The following TNKS1BP1 variants were observed in gnomAD, a reference collection of about 807,000 sequenced individuals.
TNKS1BP1 encodes the protein CCR4-NOT transcription complex subunit 12.
A neutral mutation model predicts 141.1 loss-of-function variants in TNKS1BP1; 48 were observed. The observed-to-expected ratio is 0.34, with a 90% CI of 0.27 to 0.43. TNKS1BP1 has a LOEUF of 0.43. Ranked by LOEUF, TNKS1BP1 falls within the 20% of genes least tolerant of loss-of-function variation. TNKS1BP1 has a pLI of 1.00. For synonymous variants in TNKS1BP1, 875 were observed against 898.2 expected (o/e 0.97, Z 0.46); for missense variants, 2,149 against 2,226.0 (o/e 0.97, Z 0.70).
chr11:57,314,013 G>T, intron 4 of TNKS1BP1, 124 bp from the exon 5 acceptor site: 1 of 1,127,256 alleles, frequency 8.9e-7, no homozygotes, highest in Non-Finnish European at 1.2e-6. Flanking sequence ...ACTGGAACCC[G>T]AGGGGGTCCT....
chr11:57,307,110 T>C (rs2134351908), intron 6 of TNKS1BP1, among the ~76,000 whole-genome samples: 1 of 152,184 alleles, frequency 6.6e-6, no homozygotes, highest in South Asian at 2.1e-4. Flanking sequence ...GACGTGTGGT[T>C]AAGCATGGGG....
At chr11:57,307,372 G>A (rs1185490094) in intron 6 of TNKS1BP1, among the ~76,000 whole-genome samples, 2 of 152,036 alleles carry the variant, frequency 1.3e-5, no homozygotes, top group Non-Finnish European at 2.9e-5. Context: ...TCACCACCCC[G>A]TCAACAGCCT....
intron 2 of TNKS1BP1, among the ~76,000 whole-genome samples, chr11:57,321,292 A>T (rs1431951685): frequency 6.6e-6 from 1 of 152,200 alleles, no homozygotes; most frequent in Non-Finnish European, 1.5e-5. Flanking sequence ...GACCCAAGTC[A>T]AACAAAAGTA....
chr11:57,302,364 C>A lies in TNKS1BP1; in HGVS notation c.4683+95G>T. The A allele has an allele frequency of 1.3e-6, 2 of 1,542,132 alleles. No individual in the cohort carries two copies. Among genetic ancestry groups the A allele is most frequent in the Non-Finnish European group, 1.8e-6 (2 of 1,142,466 alleles). On this transcript the variant is annotated intron_variant, in intron 7 of 11. Coordinates refer to ENST00000358252, the MANE Select transcript of TNKS1BP1 (RefSeq NM_033396.3). The surrounding 1 kb of genome is among the most constrained non-coding windows in gnomAD (Gnocchi z 5.5). ...GACGCACCTACAACCCGCTTTCTGC[C>A]TCCTGGACTGGGACTGCTCAGGGAA... is the stretch of plus-strand genomic sequence containing the variant.
At chr11:57,316,094 G>C (rs899197367) in intron 4 of TNKS1BP1, among the ~76,000 whole-genome samples, 18 of 152,194 alleles carry the variant, frequency 1.2e-4, no homozygotes, top group African/African-American at 4.3e-4. Context: ...CTCCAAACAG[G>C]CTTTCTCCTT....
intron 6 of TNKS1BP1, among the ~76,000 whole-genome samples, chr11:57,306,742 T>C (rs1237610527): frequency 6.6e-6 from 1 of 152,104 alleles, no homozygotes; most frequent in Non-Finnish European, 1.5e-5. Context: ...CCTGGGTGTT[T>C]TAAAGACACA....
Position 57,320,113 on chromosome 11 carries a change from A to G in TNKS1BP1, c.694T>C (p.Cys232Arg), listed in dbSNP as rs1855860190. Residue 232 changes from cysteine to arginine, a missense_variant, in exon 3 of 12, where the codon TGC becomes CGC. By Grantham distance (180) the Cys-to-Arg change is radical. Transcript: ENST00000358252. ...GGGGTCTTGCTGTGCTCTTCCCGGC[A>G]CTCTGCTGGAGACTTTACTGGCCCC... is the stretch of plus-strand genomic sequence containing the variant. ...QEGPVKSPAECREEHSKTPEE... is the reference protein window; with the variant it reads ...QEGPVKSPAERREEHSKTPEE... The G allele has an allele frequency of 1.3e-6, 2 of 1,522,100 alleles. No homozygotes were observed. Among genetic ancestry groups the G allele is most frequent in the African/African-American group, 1.4e-5 (1 of 70,550 alleles). The allele number at this position is 1,522,100 out of a possible 1,614,324, so 94.3% of individuals were successfully genotyped here. A position where few individuals can be genotyped will look rare whatever the true frequency, so the allele number is the denominator to read the frequency against.
chr11:57,320,232 T>C lies in TNKS1BP1; in HGVS notation c.575A>G (p.Asp192Gly). ...LWGSRLTFNH[D>G]GSSRYGPRTY... ...CCTGGGGCCATATCGCGAGCTGCCA[T>C]CGTGGTTAAAGGTGAGGCGGGAACC... Residue 192 changes from aspartate to glycine, a missense_variant, in exon 3 of 12, where the codon GAT (aspartate) becomes GGT (glycine). Asp to Gly is a moderately conservative substitution (Grantham distance 94, BLOSUM62 -1). Coordinates refer to ENST00000358252, the MANE Select transcript of TNKS1BP1 (RefSeq NM_033396.3). 2 of 1,614,100 alleles carry C rather than the reference T, an allele frequency of 1.2e-6. No individual in the cohort carries two copies. Among genetic ancestry groups the C allele is most frequent in the Non-Finnish European group, 8.5e-7 (1 of 1,180,026 alleles).
chr11:57,315,508 A>C (rs1855785361), intron 4 of TNKS1BP1, among the ~76,000 whole-genome samples: 1 of 152,120 alleles, frequency 6.6e-6, no homozygotes, highest in Non-Finnish European at 1.5e-5. Flanking sequence ...TGGCTGGATA[A>C]AAACACACAA....
chr11:57,300,298 G>A (rs895710569), intron 11 of TNKS1BP1, among the ~76,000 whole-genome samples: 2 of 151,790 alleles, frequency 1.3e-5, no homozygotes, highest in African/African-American at 4.9e-5. Context: ...AGGCCAGGAT[G>A]GTAGCCCTTC....
At position 57,302,456 on chromosome 11, in the gene TNKS1BP1, G is replaced by A; in HGVS notation, c.4683+3C>T. The A allele has an allele frequency of 6.3e-7, 1 of 1,588,636 alleles. No individual in the cohort carries two copies. The highest frequency in any genetic ancestry group is 8.6e-7 in the Non-Finnish European group (1 of 1,164,108). On this transcript the variant is annotated splice_donor_region_variant and intron_variant, in intron 7 of 11. Transcript: ENST00000358252. This position sits in a 1 kb window ranked among gnomAD's most constrained non-coding sequence, Gnocchi z 5.5. ...CACTGTCATGGGCTCACCCTCCACT[G>A]ACCTCAATGAAGGAGAAGTCCTGAC...
At chr11:57,322,422 C>G in intron 1 of TNKS1BP1, 1 of 581,076 alleles carries the variant, frequency 1.7e-6, no homozygotes, top group Non-Finnish European at 2.2e-6. Flanking sequence ...CCCTCCTTCC[C>G]TCTCTCCCTC....
At position 57,318,069 on chromosome 11, in the gene TNKS1BP1, G is replaced by A. The variant is rs560959281; in HGVS notation, c.729-182C>T. On this transcript the variant is annotated intron_variant, in intron 3 of 11. Coordinates refer to ENST00000358252, the MANE Select transcript of TNKS1BP1 (RefSeq NM_033396.3). ...CACAGAATCTGTCCATTTTCCATTC[G>A]GCAAGTGCCCCAGAAAACAGTGCTT... Among the ~76,000 whole-genome samples, 10 of 152,278 alleles carry A rather than the reference G, an allele frequency of 6.6e-5. No individual in the cohort carries two copies. The East Asian group carries it at 9.6e-4, about 15-fold the overall frequency.
chr11:57,313,608 C>G lies in TNKS1BP1; in HGVS notation c.1080G>C (p.Gly360=). The G allele has an allele frequency of 6.3e-7, 1 of 1,594,794 alleles. No individual in the cohort carries two copies. ...HTPSPGLPAE[G]APEAPRPSSP... is the part of the protein sequence containing the mutation. ...TGCTGGGTCTGGGGGCCTCTGGAGC[C>G]CCCTCGGCAGGGAGCCCCGGGCTGG... The change falls in exon 5 of 12, where the codon GGG becomes GGC. Residue 360 remains glycine (G), a synonymous_variant. Transcript: ENST00000358252.
chr11:57,319,010 T>C (rs1855839616), intron 3 of TNKS1BP1, among the ~76,000 whole-genome samples: 2 of 152,166 alleles, frequency 1.3e-5, no homozygotes, highest in South Asian at 2.1e-4. Context: ...CCGGGTGTGG[T>C]GGCAGGCGCC....
intron 6 of TNKS1BP1, among the ~76,000 whole-genome samples, chr11:57,307,934 A>C (rs1257301584): frequency 3.3e-5 from 5 of 152,206 alleles, no homozygotes; most frequent in Non-Finnish European, 7.3e-5. Context: ...CCTCTTTGAG[A>C]ACCCGTGGGT....
At chr11:57,314,164 C>T (rs951761780) in intron 4 of TNKS1BP1, among the ~76,000 whole-genome samples, 1 of 152,242 alleles carries the variant, frequency 6.6e-6, no homozygotes, top group African/African-American at 2.4e-5. Context: ...TGGAACCCCT[C>T]ACCCACTCAA....
In TNKS1BP1 at chr11:57,320,660, G is replaced by A. The variant is rs1565047131; in HGVS notation, c.147C>T (p.Ala49=). ...PVKPKPRALP[A]KPALPAKPSL... ...TGGGTTTGGCAGGCAGGGCTGGCTT[G>A]GCAGGCAGGGCCCGGGGTTTGGGCT... The change falls in exon 3 of 12, where the codon GCC becomes GCT. Residue 49 remains alanine (A), a synonymous_variant. Coordinates refer to ENST00000358252, the MANE Select transcript of TNKS1BP1 (RefSeq NM_033396.3). 1.2e-6 allele frequency: 2 copies of A among 1,609,200 alleles called. No homozygotes were observed. The highest frequency in any genetic ancestry group is 1.3e-5 in the African/African-American group (1 of 74,972).
chr11:57,309,182 C>T lies in TNKS1BP1; in HGVS notation c.3529G>A (p.Gly1177Ser). 6.2e-7 allele frequency: 1 copy of T among 1,614,216 alleles called. No individual in the cohort carries two copies. Among genetic ancestry groups the T allele is most frequent in the Non-Finnish European group, 8.5e-7 (1 of 1,180,036 alleles). Residue 1177 changes from glycine (G) to serine (S), a missense_variant, in exon 6 of 12, where the codon GGT becomes AGT. Physicochemically the swap from Gly to Ser is moderately conservative, Grantham distance 56 (BLOSUM62 0). Coordinates refer to ENST00000358252, the MANE Select transcript of TNKS1BP1 (RefSeq NM_033396.3). This position sits in a 1 kb window ranked among gnomAD's most constrained non-coding sequence, Gnocchi z 4.3. The part of the protein sequence containing the change: ...LRNLEVSSCV[G>S]SGGSSEARES... ...CTGGCCTCGCTCGAGCCCCCAGAAC[C>T]CACACAGCTGGACACTTCCAAGTTC...
Sources: gnomAD v4.1 joint callset for allele counts (sites outside exome capture counted in the v4.1 genomes callset) on GRCh38, gnomAD v4.1.1 for gene constraint, Gnocchi (gnomAD v3.1) non-coding constraint, MANE v1.5 for transcripts, NCBI Gene and HGNC (gene_info 2026-07-23, HGNC 2026-07-21) for gene names.